ATP6V0E1: variants seen among roughly 807,000 people sequenced by gnomAD.
The protein encoded by ATP6V0E1 is V-type proton ATPase subunit e 1.
ATP6V0E1 carries 4 observed loss-of-function variants against 11.6 expected under a neutral mutation model. The observed-to-expected ratio is 0.35, with a 90% CI of 0.17 to 0.79. ATP6V0E1 has a LOEUF of 0.79. Among genes scored for constraint, ATP6V0E1 ranks in the 30% least tolerant of loss-of-function variants. ATP6V0E1 has a pLI of 0.54. For missense variants in ATP6V0E1, 105 were observed against 100.0 expected, an observed-to-expected ratio of 1.05 and a Z score of -0.21; for synonymous variants, 36 against 34.8, an observed-to-expected ratio of 1.04 and a Z score of -0.13.
chr5:172,996,540 C>T (rs6898727), intron 2 of ATP6V0E1, among the ~76,000 whole-genome samples: 29 of 149,690 alleles, frequency 1.9e-4, no homozygotes, highest in African/African-American at 5.7e-4. Flanking sequence ...CCAGCCTGGG[C>T]GACAGAGCGA....
Position 173,022,787 on chromosome 5 carries a change from C to T in ATP6V0E1, c.*36+2420C>T, listed in dbSNP as rs147418281. ...AGCTGGGACTACAGGCACACACCAC[C>T]GTGCCTGGCTAATTTTTAAATTTTG... is the stretch of plus-strand genomic sequence containing the variant. On this transcript the variant is annotated intron_variant, in intron 3 of 3. Coordinates refer to ENST00000519374, the MANE Select transcript of ATP6V0E1 (RefSeq NM_003945.4). Among the ~76,000 whole-genome samples the T allele has an allele frequency of 8.5e-5, 13 of 152,290 alleles. No homozygotes were observed. In the East Asian group the frequency reaches 1.2e-3, roughly 14 times the overall value.
chr5:173,025,925 G>A (rs1756551905), intron 3 of ATP6V0E1, among the ~76,000 whole-genome samples: 1 of 152,108 alleles, frequency 6.6e-6, no homozygotes, highest in Non-Finnish European at 1.5e-5. Context: ...TTGGTGCGGT[G>A]AGGCAGAAGG....
rs912838368 is a variant in ATP6V0E1 at position 173,035,360 on chromosome 5, A to C, written c.*998A>C. The C allele has an allele frequency of 5.3e-5, 8 of 152,178 alleles. No homozygotes were observed. Among genetic ancestry groups the C allele is most frequent in the African/African-American group, 1.4e-4 (6 of 41,436 alleles). The allele number at this position is 152,178 out of a possible 1,614,324, so 9.4% of individuals were successfully genotyped here. A position where few individuals can be genotyped will look rare whatever the true frequency, so the allele number is the denominator to read the frequency against. On this transcript the variant is annotated 3_prime_UTR_variant, in exon 4 of 4. Transcript: ENST00000519374. ...CAGGGGCAGGAGACAGTAATTTTGT[A>C]TTTCAGTAGCAGGCATCTCGATACA...
At chr5:173,004,396 T>C (rs1383118292) in intron 2 of ATP6V0E1, among the ~76,000 whole-genome samples, 2 of 152,150 alleles carry the variant, frequency 1.3e-5, no homozygotes, top group African/African-American at 4.8e-5. Context: ...TCTTCTCTGC[T>C]TCAGAGAGCC....
chr5:172,985,247 A>AGG, intron 1 of ATP6V0E1, among the ~76,000 whole-genome samples: 1 of 149,384 alleles, frequency 6.7e-6, no homozygotes, highest in Non-Finnish European at 1.5e-5. Flanking sequence ...TCCGTCTCAA[A>AGG]AAAAAAAAAA....
At chr5:172,997,840 G>A (rs947944047) in intron 2 of ATP6V0E1, among the ~76,000 whole-genome samples, 1 of 151,924 alleles carries the variant, frequency 6.6e-6, no homozygotes, top group Admixed American at 6.6e-5. Flanking sequence ...TTCTAGGCCG[G>A]GCATGGTGGC....
intron 1 of ATP6V0E1, among the ~76,000 whole-genome samples, chr5:172,990,910 A>G (rs902258281): frequency 6.6e-6 from 1 of 151,194 alleles, no homozygotes; most frequent in African/African-American, 2.4e-5. Flanking sequence ...TCAGCCTCCC[A>G]AAGTGCTAAG....
Position 172,983,777 on chromosome 5 carries a change from G to A in ATP6V0E1, c.-84G>A. The stretch of plus-strand genomic sequence containing the variant: ...GGCGCGGGAGGCGGGGCTTGCACAC[G>A]CTGGTCACGCGGTCAGCTATTGACA... On this transcript the variant is annotated 5_prime_UTR_variant, in exon 1 of 4. Coordinates refer to ENST00000519374, the MANE Select transcript of ATP6V0E1 (RefSeq NM_003945.4). 1.5e-6 allele frequency: 2 copies of A among 1,366,316 alleles called. No individual in the cohort carries two copies. The highest frequency in any genetic ancestry group is 1.7e-5 in the Admixed American group (1 of 58,784). The allele number at this position is 1,366,316 out of a possible 1,614,324, so 84.6% of individuals were successfully genotyped here. A position where few individuals can be genotyped will look rare whatever the true frequency, so the allele number is the denominator to read the frequency against.
intron 3 of ATP6V0E1, 120 bp from the exon 4 acceptor site, chr5:173,034,279 A>G (rs190203465): frequency 2.7e-4 from 181 of 675,712 alleles, no homozygotes; most frequent in Non-Finnish European, 4.3e-4. Context: ...CCTGTGTTTC[A>G]TATTTTGTTG....
intron 3 of ATP6V0E1, among the ~76,000 whole-genome samples, chr5:173,027,714 G>A (rs111517592): frequency 0.047 from 7,156 of 152,024 alleles, 358 homozygotes; most frequent in African/African-American, 0.11. Flanking sequence ...TTGGCTTCTC[G>A]AAGTGCTGGG....
intron 2 of ATP6V0E1, among the ~76,000 whole-genome samples, chr5:173,015,421 T>C (rs1756385537): frequency 6.6e-6 from 1 of 152,206 alleles, no homozygotes; most frequent in Non-Finnish European, 1.5e-5. Context: ...AGCCCCTTGG[T>C]AGCTCCAGGA....
intron 3 of ATP6V0E1, among the ~76,000 whole-genome samples, chr5:173,026,427 A>T (rs143759384): frequency 7.2e-5 from 11 of 152,226 alleles, no homozygotes; most frequent in Admixed American, 4.6e-4. Flanking sequence ...TATATAAAAC[A>T]TCTCCAAAGT....
intron 1 of ATP6V0E1, among the ~76,000 whole-genome samples, chr5:172,988,061 A>AT (rs1255988456): frequency 1.3e-5 from 2 of 152,000 alleles, no homozygotes; most frequent in East Asian, 1.9e-4. Context: ...TTCCATTTAA[A>AT]TTTTTTTTAA....
intron 2 of ATP6V0E1, among the ~76,000 whole-genome samples, chr5:173,006,091 A>G (rs1756225666): frequency 6.6e-6 from 1 of 152,084 alleles, no homozygotes; most frequent in South Asian, 2.1e-4. Flanking sequence ...ATTCTATATC[A>G]GGTCAAGATG....
At chr5:173,005,159 C>T (rs1037181724) in intron 2 of ATP6V0E1, among the ~76,000 whole-genome samples, 5 of 135,296 alleles carry the variant, frequency 3.7e-5, no homozygotes, top group African/African-American at 1.0e-4. Context: ...GCAGTTTCTA[C>T]GAAAAAAAAA....
At chr5:173,009,141 G>A (rs1039876087) in intron 2 of ATP6V0E1, among the ~76,000 whole-genome samples, 4 of 151,722 alleles carry the variant, frequency 2.6e-5, no homozygotes, top group African/African-American at 2.4e-5. Context: ...CACAAGGATC[G>A]CTTGAACCAG....
chr5:173,005,067 G>A (rs554884761), intron 2 of ATP6V0E1, among the ~76,000 whole-genome samples: 24 of 151,804 alleles, frequency 1.6e-4, no homozygotes, highest in Non-Finnish European at 2.6e-4. Context: ...GTTAAAATCA[G>A]AAAGTGTGAG....
intron 2 of ATP6V0E1, among the ~76,000 whole-genome samples, chr5:173,012,911 A>T (rs1168188908): frequency 6.6e-6 from 1 of 151,080 alleles, no homozygotes; most frequent in African/African-American, 2.4e-5. Context: ...AGTGGCTCAC[A>T]CCTGTAATCC....
intron 2 of ATP6V0E1, among the ~76,000 whole-genome samples, chr5:172,998,511 T>C (rs1052697423): frequency 1.3e-5 from 2 of 151,096 alleles, no homozygotes; most frequent in Non-Finnish European, 2.9e-5. Context: ...CTTGGGAGGC[T>C]GAGGCAGGAG....
Sources: allele counts gnomAD v4.1 joint callset (sites outside exome capture counted in the v4.1 genomes callset), GRCh38; gene constraint gnomAD v4.1.1; transcripts MANE v1.5; gene names NCBI Gene and HGNC (gene_info 2026-07-23, HGNC 2026-07-21).